The following CCSER1 variants were observed in gnomAD, a reference collection of about 807,000 sequenced individuals.
CCSER1 encodes the protein coiled-coil serine rich protein 1, also known as serine-rich coiled-coil domain-containing protein 1.
In CCSER1, 41 loss-of-function variants were observed where a neutral mutation model predicts 82.0. That is an observed-to-expected ratio of 0.50 (90% CI 0.39 to 0.65). CCSER1 has a LOEUF of 0.65. Ranked by LOEUF, CCSER1 falls within the 30% of genes least tolerant of loss-of-function variation. CCSER1 has a pLI of 0.00. For missense variants in CCSER1, 1,119 were observed against 1,064.2 expected (o/e 1.05, Z -0.72); for synonymous variants, 414 against 383.9 (o/e 1.08, Z -0.92).
At chr4:91,514,700 A>G (rs1353009739) in intron 10 of CCSER1, among the ~76,000 whole-genome samples, 2 of 152,138 alleles carry the variant, frequency 1.3e-5, no homozygotes, top group African/African-American at 4.8e-5. Flanking sequence ...AGGGTGAGTC[A>G]GCAAGCTAGG....
intron 1 of CCSER1, among the ~76,000 whole-genome samples, chr4:90,170,016 T>C (rs1466982062): frequency 6.6e-6 from 1 of 151,896 alleles, no homozygotes; most frequent in Non-Finnish European, 1.5e-5. Context: ...ATAATTCCTC[T>C]AGCCTCCACT....
intron 1 of CCSER1, among the ~76,000 whole-genome samples, chr4:90,241,313 C>T (rs1335886946): frequency 1.3e-5 from 2 of 151,976 alleles, no homozygotes; most frequent in Non-Finnish European, 2.9e-5. Flanking sequence ...AATGAGTTGC[C>T]AACTATTATA....
chr4:90,292,705 A>T (rs1170664712), intron 1 of CCSER1, among the ~76,000 whole-genome samples: 1 of 151,850 alleles, frequency 6.6e-6, no homozygotes, highest in Admixed American at 6.6e-5. Flanking sequence ...TTGTGGATAT[A>T]CTCATATTTT....
rs546738009 is a variant in CCSER1, at chr4:90,687,538, A to G, written c.1933-36376A>G. ...TCCTCAGCTGGGGTGAGAAGTTCAT[A>G]TTCTCCCAGGCCTGCCTTGAGATAA... On this transcript the variant is annotated intron_variant, in intron 6 of 10. Transcript: ENST00000509176. Among the ~76,000 whole-genome samples the G allele has an allele frequency of 2.0e-5, 3 of 152,144 alleles. No homozygotes were observed. In the East Asian group the frequency reaches 5.8e-4, roughly 29 times the overall value.
intron 10 of CCSER1, among the ~76,000 whole-genome samples, chr4:91,525,078 A>G (rs1334441663): frequency 6.6e-6 from 1 of 152,110 alleles, no homozygotes; most frequent in Non-Finnish European, 1.5e-5. Context: ...GAGATCTCTA[A>G]CTAATACGAG....
At chr4:90,372,828 C>T (rs1747674952) in intron 3 of CCSER1, among the ~76,000 whole-genome samples, 2 of 151,732 alleles carry the variant, frequency 1.3e-5, no homozygotes, top group South Asian at 2.1e-4. Flanking sequence ...GCCTGGGAAT[C>T]AATCTCTCAT....
At chr4:90,727,670 G>A (rs1451004107) in intron 7 of CCSER1, among the ~76,000 whole-genome samples, 1 of 152,116 alleles carries the variant, frequency 6.6e-6, no homozygotes, top group Non-Finnish European at 1.5e-5. Context: ...GCAGTTATTA[G>A]CAGCCTCAGT....
chr4:90,245,425 T>C (rs1721249298), intron 1 of CCSER1, among the ~76,000 whole-genome samples: 1 of 148,816 alleles, frequency 6.7e-6, no homozygotes, highest in African/African-American at 2.6e-5. Context: ...AAGGTCATGG[T>C]AGGATCTTTA....
intron 7 of CCSER1, among the ~76,000 whole-genome samples, chr4:90,762,018 T>A (rs1443799374): frequency 6.6e-6 from 1 of 152,134 alleles, no homozygotes; most frequent in East Asian, 1.9e-4. Context: ...AGAAAGTAAT[T>A]TCAGAAACTA....
intron 8 of CCSER1, among the ~76,000 whole-genome samples, chr4:90,867,090 CT>C (rs1561274196): frequency 6.6e-6 from 1 of 152,014 alleles, no homozygotes; most frequent in African/African-American, 2.4e-5. Flanking sequence ...TCTATTCGCA[CT>C]TGCCCTCCCC....
Position 91,151,465 on chromosome 4 carries a change from T to A in CCSER1, c.2217+65471T>A, listed in dbSNP as rs540578079. Among the ~76,000 whole-genome samples the A allele has an allele frequency of 3.3e-5, 5 of 152,298 alleles. No homozygotes were observed. In the South Asian group the frequency reaches 1.0e-3, roughly 32 times the overall value. ...TTTGAAGGGTTTCTTGTGTCTCTAT[T>A]TCCTTCAGTTCTGCTCTGATCTTAG... On this transcript the variant is annotated intron_variant, in intron 10 of 10. Transcript: ENST00000509176.
Position 90,605,068 on chromosome 4 carries a change from G to C in CCSER1, c.1725-22957G>C, listed in dbSNP as rs370603651. Among the ~76,000 whole-genome samples, 77 of 152,288 alleles carry C rather than the reference G, an allele frequency of 5.1e-4. 1 individual carries two copies. The South Asian group carries it at 0.013, about 25-fold the overall frequency. On this transcript the variant is annotated intron_variant, in intron 5 of 10. Coordinates refer to ENST00000509176, the MANE Select transcript of CCSER1 (RefSeq NM_001145065.2). ...TAAATGTTGCTGCTGCTGACTCTTT[G>C]GGTTTGAGCCGCCTTTATGAGCTGT...
intron 3 of CCSER1, among the ~76,000 whole-genome samples, chr4:90,378,415 G>A (rs866762059): frequency 6.6e-6 from 1 of 152,136 alleles, no homozygotes; most frequent in Non-Finnish European, 1.5e-5. Context: ...CCCAAGGCTA[G>A]GTTGCAGAGT....
chr4:90,436,768 A>G (rs1759051177), intron 4 of CCSER1, among the ~76,000 whole-genome samples: 1 of 151,904 alleles, frequency 6.6e-6, no homozygotes, highest in Non-Finnish European at 1.5e-5. Flanking sequence ...GTACACATAT[A>G]TGTATTATAT....
Position 90,892,766 on chromosome 4 carries a change from T to A in CCSER1, c.2095-30604T>A, listed in dbSNP as rs117713195. On this transcript the variant is annotated intron_variant, in intron 8 of 10. Transcript: ENST00000509176. ...TATTTCTTAAATGCGTAAATGACTT[T>A]ATCTTCCATAATATGAAAGGAACAC... Among the ~76,000 whole-genome samples, 91 of 152,210 alleles carry A rather than the reference T, an allele frequency of 6.0e-4. 2 individuals are homozygous for A. In the East Asian group the frequency reaches 0.011, roughly 18 times the overall value.
intron 1 of CCSER1, among the ~76,000 whole-genome samples, chr4:90,213,546 C>T (rs1323754761): frequency 6.6e-6 from 1 of 151,998 alleles, no homozygotes; most frequent in African/African-American, 2.4e-5. Context: ...GAGGGGTGTA[C>T]ATAATAAAGA....
rs75845735 is a variant in CCSER1 at position 90,721,711 on chromosome 4, C to T, written c.1933-2203C>T. 8.5e-4 allele frequency among the ~76,000 whole-genome samples: 128 copies of T among 151,414 alleles called. 2 individuals carry two copies. In the East Asian group the frequency reaches 0.022, roughly 26 times the overall value. ...ATAAGACTTATCTTCAAAAGGTTTA[C>T]GATACTATTTGATCTAAAAGAATAA... On this transcript the variant is annotated intron_variant, in intron 6 of 10. Transcript: ENST00000509176.
At chr4:91,056,002 T>A (rs1743412359) in intron 9 of CCSER1, among the ~76,000 whole-genome samples, 2 of 152,154 alleles carry the variant, frequency 1.3e-5, no homozygotes, top group South Asian at 4.1e-4. Flanking sequence ...TTCATTTTTG[T>A]CATTGTACTT....
intron 1 of CCSER1, among the ~76,000 whole-genome samples, chr4:90,227,259 T>C (rs545442279): frequency 6.6e-6 from 1 of 152,232 alleles, no homozygotes; most frequent in Admixed American, 6.5e-5. Flanking sequence ...AGTTGGATAA[T>C]CATTTTACAA....
Sources: gnomAD v4.1 joint callset for allele counts (sites outside exome capture counted in the v4.1 genomes callset) on GRCh38, gnomAD v4.1.1 for gene constraint, MANE v1.5 for transcripts, NCBI Gene and HGNC (gene_info 2026-07-23, HGNC 2026-07-21) for gene names.